Variants in KIF6 observed in about 807,000 individuals in gnomAD.
The protein encoded by KIF6 is kinesin family member 6, also known as kinesin-like protein KIF6.
KIF6 carries 106 observed loss-of-function variants against 112.7 expected under a neutral mutation model. The observed-to-expected ratio is 0.94, with a 90% confidence interval of 0.80 to 1.11. The LOEUF (loss-of-function observed/expected upper bound fraction) is 1.11. Ranked by LOEUF, KIF6 falls within the 50% of genes least tolerant of loss-of-function variation. KIF6 has a pLI of 0.00. For missense variants in KIF6, 929 were observed against 964.0 expected, an observed-to-expected ratio of 0.96 and a Z score of 0.48; for synonymous variants, 339 against 339.9, an observed-to-expected ratio of 1.00 and a Z score of 0.03.
intron 3 of KIF6, among the ~76,000 whole-genome samples, chr6:39,654,542 C>T (rs1785658085): frequency 6.6e-6 from 1 of 152,196 alleles, no homozygotes; most frequent in East Asian, 1.9e-4. Flanking sequence ...TCTCCCATTA[C>T]TGAAAATACC....
intron 3 of KIF6, among the ~76,000 whole-genome samples, chr6:39,713,703 A>T (rs1001380799): frequency 1.8e-4 from 27 of 152,380 alleles, no homozygotes; most frequent in African/African-American, 6.2e-4. Flanking sequence ...CTTGAATTTC[A>T]TCTAAAGAGG....
intron 5 of KIF6, among the ~76,000 whole-genome samples, chr6:39,628,610 C>T (rs1009951760): frequency 6.6e-6 from 1 of 152,106 alleles, no homozygotes. Context: ...TTTTACTCAA[C>T]ATATTTCCCT....
At chr6:39,700,531 GT>G (rs1019812662) in intron 3 of KIF6, among the ~76,000 whole-genome samples, 1 of 152,150 alleles carries the variant, frequency 6.6e-6, no homozygotes, top group African/African-American at 2.4e-5. Flanking sequence ...GATATTTCCT[GT>G]CACTTGTGGA....
intron 10 of KIF6, among the ~76,000 whole-genome samples, chr6:39,556,931 A>G (rs1779735570): frequency 6.6e-6 from 1 of 152,174 alleles, no homozygotes; most frequent in Non-Finnish European, 1.5e-5. Context: ...TCTGTCTTGT[A>G]TGAAATTAAA....
At chr6:39,683,736 G>T (rs1380609820) in intron 3 of KIF6, among the ~76,000 whole-genome samples, 5 of 152,158 alleles carry the variant, frequency 3.3e-5, no homozygotes, top group African/African-American at 9.7e-5. Flanking sequence ...AAGAACAGCC[G>T]AGTGGGTAAG....
At position 39,694,623 on chromosome 6, in the gene KIF6, T is replaced by G. The variant is rs138957513; in HGVS notation, c.251+20069A>C. Reference sequence around the variant, plus strand: ...ACTAGATTTAGCCAAGGAGGTAAGATCTCTACAAGAAGAATGACAAGACAC... The same window carrying G: ...ACTAGATTTAGCCAAGGAGGTAAGAGCTCTACAAGAAGAATGACAAGACAC... On this transcript the variant is annotated intron_variant, in intron 3 of 22. Transcript: ENST00000287152. 2.0e-3 allele frequency among the ~76,000 whole-genome samples: 299 copies of G among 152,114 alleles called. 1 individual carries two copies. Among genetic ancestry groups the G allele is most frequent in the Non-Finnish European group, 3.0e-3 (206 of 67,954 alleles).
At chr6:39,426,076 G>A (rs1363519872) in intron 14 of KIF6, among the ~76,000 whole-genome samples, 1 of 152,154 alleles carries the variant, frequency 6.6e-6, no homozygotes, top group Non-Finnish European at 1.5e-5. Flanking sequence ...TATTGAATGG[G>A]ACTCTGAGAC....
intron 16 of KIF6, 119 bp downstream of exon 16, chr6:39,385,503 C>T (rs918172430): frequency 3.7e-6 from 3 of 805,792 alleles, no homozygotes; most frequent in Non-Finnish European, 6.4e-6. Context: ...GCAACCCTTG[C>T]CATCCTTAAC....
In KIF6 at chr6:39,523,437, G is replaced by C. The variant is rs528445448; in HGVS notation, c.1645+16566C>G. Among the ~76,000 whole-genome samples, 75 of 151,630 alleles carry C rather than the reference G, an allele frequency of 4.9e-4. No individual in the cohort carries two copies. The South Asian group carries it at 0.015, about 30-fold the overall frequency. Reference sequence around the variant, plus strand: ...ATAAAGTTCTAAATTCAAAAGCATGGCTTTTAAGCATCTCATGAACTGGTC... The same window carrying C: ...ATAAAGTTCTAAATTCAAAAGCATGCCTTTTAAGCATCTCATGAACTGGTC... On this transcript the variant is annotated intron_variant, in intron 13 of 22. Coordinates refer to ENST00000287152, the MANE Select transcript of KIF6 (RefSeq NM_145027.6).
chr6:39,507,694 T>TCCTTCCTTCCTA (rs1776517285), intron 13 of KIF6, among the ~76,000 whole-genome samples: 1 of 125,608 alleles, frequency 8.0e-6, no homozygotes, highest in African/African-American at 3.3e-5. Flanking sequence ...CTTCCTACCT[T>TCCTTCCTTCCTA]CCTTCCTTCC....
At chr6:39,711,272 GAAAGTA>G (rs1789537974) in intron 3 of KIF6, among the ~76,000 whole-genome samples, 1 of 99,578 alleles carries the variant, frequency 1.0e-5, no homozygotes, top group African/African-American at 3.5e-5. Context: ...AAAACACCTG[GAAAGTA>G]AAAAAAAAAA....
intron 6 of KIF6, among the ~76,000 whole-genome samples, chr6:39,601,396 C>T (rs1366553940): frequency 6.6e-6 from 1 of 152,046 alleles, no homozygotes; most frequent in Non-Finnish European, 1.5e-5. Context: ...TGTTAAAAGG[C>T]ATATTTGATT....
intron 12 of KIF6, among the ~76,000 whole-genome samples, chr6:39,544,349 AAAAC>A (rs1778951051): frequency 6.6e-6 from 1 of 152,250 alleles, no homozygotes. Flanking sequence ...TGTCAGGATA[AAAAC>A]AAACACATTT....
intron 13 of KIF6, among the ~76,000 whole-genome samples, chr6:39,451,298 G>C (rs141692475): frequency 9.8e-5 from 15 of 152,294 alleles, no homozygotes; most frequent in Middle Eastern, 3.4e-3. Flanking sequence ...AAGAGATGAC[G>C]AAAAGTAAGA....
chr6:39,470,775 A>G (rs1424367653), intron 13 of KIF6, among the ~76,000 whole-genome samples: 1 of 145,868 alleles, frequency 6.9e-6, no homozygotes, highest in East Asian at 1.9e-4. Context: ...ACCCCTGAGC[A>G]GGACTGGCCT....
chr6:39,435,886 G>A (rs988213474), intron 13 of KIF6, among the ~76,000 whole-genome samples: 1 of 152,082 alleles, frequency 6.6e-6, no homozygotes, highest in Non-Finnish European at 1.5e-5. Flanking sequence ...CTCAGTAGTG[G>A]GATTGCTGGA....
intron 1 of KIF6, among the ~76,000 whole-genome samples, chr6:39,722,385 T>C (rs1790269745): frequency 6.6e-6 from 1 of 152,196 alleles, no homozygotes; most frequent in Non-Finnish European, 1.5e-5. Flanking sequence ...TGGCTTTCTA[T>C]CCTTATTCAT....
At chr6:39,668,513 C>T (rs1214427576) in intron 3 of KIF6, among the ~76,000 whole-genome samples, 4 of 152,192 alleles carry the variant, frequency 2.6e-5, no homozygotes, top group South Asian at 4.1e-4. Flanking sequence ...AAGAAACCCA[C>T]TGCACCTCAG....
chr6:39,714,853 T>A (rs2113878798), intron 2 of KIF6, 87 bp from the exon 3 acceptor site: 1 of 878,138 alleles, frequency 1.1e-6, no homozygotes, highest in Non-Finnish European at 1.8e-6. Flanking sequence ...AAAGCTCTAT[T>A]AATTACCCCA....
Sources: gnomAD v4.1 joint callset for allele counts (sites outside exome capture counted in the v4.1 genomes callset) on GRCh38, gnomAD v4.1.1 for gene constraint, MANE v1.5 for transcripts, NCBI Gene and HGNC (gene_info 2026-07-23, HGNC 2026-07-21) for gene names.